SCLT1: variants seen among roughly 807,000 people sequenced by gnomAD.
The protein encoded by SCLT1 is sodium channel and clathrin linker 1.
In SCLT1, 78 loss-of-function variants were observed where a neutral mutation model predicts 112.8. The ratio of observed to expected loss-of-function variants is 0.69; its 90% CI spans 0.58 to 0.83. The LOEUF is 0.83. Among genes scored for constraint, SCLT1 ranks in the 40% least tolerant of loss-of-function variants. SCLT1 has a pLI of 0.00. For synonymous variants in SCLT1, 257 were observed against 254.7 expected, an observed-to-expected ratio of 1.01 and a Z score of -0.09; for missense variants, 747 against 770.4, an observed-to-expected ratio of 0.97 and a Z score of 0.36.
intron 2 of SCLT1, among the ~76,000 whole-genome samples, chr4:129,069,411 G>A (rs1302819375): frequency 3.9e-5 from 6 of 152,100 alleles, no homozygotes; most frequent in Admixed American, 3.3e-4. Flanking sequence ...AGTATGAGAT[G>A]TGTTTCTGTT....
intron 18 of SCLT1, among the ~76,000 whole-genome samples, chr4:128,891,382 A>G (rs1733307323): frequency 6.6e-6 from 1 of 152,186 alleles, no homozygotes; most frequent in African/African-American, 2.4e-5. Flanking sequence ...GTACACTTAA[A>G]AATAGTTAAG....
In SCLT1 at chr4:128,934,780, G is replaced by A. The variant is rs55726726; in HGVS notation, c.1829+1875C>T. Among the ~76,000 whole-genome samples the A allele has an allele frequency of 2.9e-4, 44 of 151,068 alleles. 1 individual carries two copies. Among genetic ancestry groups the A allele is most frequent in the Admixed American group, 1.5e-3 (23 of 15,168 alleles). ...TAAGAGTGGCTGTTTTCTTTCTTTC[G>A]GTTTTGTCAACCTTTTATTTCTTTT... On this transcript the variant is annotated intron_variant, in intron 18 of 20. Coordinates refer to ENST00000281142, the MANE Select transcript of SCLT1 (RefSeq NM_144643.4).
chr4:129,070,606 C>A (rs1750917299), intron 2 of SCLT1, among the ~76,000 whole-genome samples: 1 of 151,968 alleles, frequency 6.6e-6, no homozygotes, highest in Non-Finnish European at 1.5e-5. Flanking sequence ...GTTGTAATAC[C>A]TCGCGTTTCA....
chr4:129,066,190 C>T (rs537764899), intron 2 of SCLT1, among the ~76,000 whole-genome samples: 98 of 152,014 alleles, frequency 6.4e-4, no homozygotes, highest in African/African-American at 2.3e-3. Flanking sequence ...TAAAATTTTT[C>T]TATTAGAAAA....
chr4:128,985,583 T>C (rs1742018321), intron 9 of SCLT1, among the ~76,000 whole-genome samples: 1 of 152,238 alleles, frequency 6.6e-6, no homozygotes, highest in African/African-American at 2.4e-5. Context: ...TCTGTTGTGT[T>C]ACAATACACG....
At position 129,043,449 on chromosome 4, in the gene SCLT1, A is replaced by T; in HGVS notation, c.180T>A (p.Val60=). The T allele has an allele frequency of 6.5e-7, 1 of 1,531,768 alleles. No homozygotes were observed. The highest frequency in any genetic ancestry group is 1.2e-5 in the South Asian group (1 of 85,004). The allele number at this position is 1,531,768 out of a possible 1,614,324, so 94.9% of individuals were successfully genotyped here. A position where few individuals can be genotyped will look rare whatever the true frequency, so the allele number is the denominator to read the frequency against. ...CTCCTAGGTGTTTATCATACTCAGT[A>T]ACAAGAGGAGCTAAAAAGCTAAAAA... is the stretch of plus-strand genomic sequence containing the variant. ...VFDQSFLAPL[V]TEYDKHLGEL... is the part of the protein sequence containing the mutation. The change falls in exon 4 of 21, where the codon GTT becomes GTA. Residue 60 remains valine, a synonymous_variant. Transcript: ENST00000281142.
chr4:128,954,852 C>T (rs1370199905), intron 13 of SCLT1, among the ~76,000 whole-genome samples: 2 of 152,128 alleles, frequency 1.3e-5, no homozygotes, highest in East Asian at 3.8e-4. Flanking sequence ...GAAATTAAGT[C>T]ATAAATGTTC....
At chr4:129,072,092 T>C (rs1561051518) in intron 2 of SCLT1, among the ~76,000 whole-genome samples, 1 of 152,144 alleles carries the variant, frequency 6.6e-6, no homozygotes. Context: ...TAGCTAGATA[T>C]AAAATCTTGG....
intron 14 of SCLT1, among the ~76,000 whole-genome samples, chr4:128,950,899 C>G (rs1738671747): frequency 6.6e-6 from 1 of 152,102 alleles, no homozygotes; most frequent in African/African-American, 2.4e-5. Context: ...ATAAACTACA[C>G]CTTACCAGAG....
At chr4:128,939,880 A>C (rs1737534061) in intron 17 of SCLT1, among the ~76,000 whole-genome samples, 2 of 152,184 alleles carry the variant, frequency 1.3e-5, no homozygotes, top group Non-Finnish European at 2.9e-5. Context: ...AGCAAGGTGT[A>C]GGTGCACCAG....
chr4:129,045,539 T>G (rs922671377), intron 2 of SCLT1, among the ~76,000 whole-genome samples: 1 of 151,998 alleles, frequency 6.6e-6, no homozygotes, highest in Non-Finnish European at 1.5e-5. Context: ...TAAAAAATGA[T>G]ACAATAGAAT....
At chr4:128,932,693 A>C (rs1274720349) in intron 18 of SCLT1, among the ~76,000 whole-genome samples, 1 of 152,174 alleles carries the variant, frequency 6.6e-6, no homozygotes. Flanking sequence ...AAATGAAATG[A>C]TCTAATATAT....
At chr4:128,987,127 C>T (rs1359746461) in intron 9 of SCLT1, among the ~76,000 whole-genome samples, 1 of 152,086 alleles carries the variant, frequency 6.6e-6, no homozygotes, top group Non-Finnish European at 1.5e-5. Context: ...CTGCAATGTT[C>T]TGAAATGGCT....
intron 18 of SCLT1, among the ~76,000 whole-genome samples, chr4:128,893,175 G>T (rs907259604): frequency 1.1e-4 from 13 of 118,854 alleles, no homozygotes; most frequent in African/African-American, 4.5e-4. Context: ...ACACCTACTG[G>T]TATAATTTCA....
chr4:129,070,525 G>C (rs1027356011), intron 2 of SCLT1, among the ~76,000 whole-genome samples: 3 of 151,960 alleles, frequency 2.0e-5, no homozygotes, highest in African/African-American at 7.3e-5. Flanking sequence ...ATCTCTTCTA[G>C]GTTTTCTAGT....
intron 18 of SCLT1, among the ~76,000 whole-genome samples, chr4:128,910,215 T>C (rs1197042696): frequency 6.6e-6 from 1 of 152,226 alleles, no homozygotes; most frequent in Non-Finnish European, 1.5e-5. Context: ...CCAGTTTACA[T>C]TCCCACCTAT....
At chr4:129,060,129 C>G (rs1749821349) in intron 2 of SCLT1, among the ~76,000 whole-genome samples, 1 of 151,982 alleles carries the variant, frequency 6.6e-6, no homozygotes, top group African/African-American at 2.4e-5. Flanking sequence ...AAGGCCTGTA[C>G]TGTACTTTTC....
At chr4:128,898,295 T>G (rs1302722217) in intron 18 of SCLT1, among the ~76,000 whole-genome samples, 3 of 152,054 alleles carry the variant, frequency 2.0e-5, no homozygotes, top group Non-Finnish European at 4.4e-5. Flanking sequence ...TCAGCAAATG[T>G]AAAAGAGCAG....
chr4:129,087,790 A>G (rs1447296586), intron 1 of SCLT1, among the ~76,000 whole-genome samples: 2 of 151,304 alleles, frequency 1.3e-5, no homozygotes, highest in Non-Finnish European at 2.9e-5. Context: ...AAAAAAAAAG[A>G]AAAGCAAAAA....
Sources: gnomAD v4.1 joint callset for allele counts (sites outside exome capture counted in the v4.1 genomes callset) on GRCh38, gnomAD v4.1.1 for gene constraint, MANE v1.5 for transcripts, NCBI Gene and HGNC (gene_info 2026-07-23, HGNC 2026-07-21) for gene names.